The following ITPRIP variants were observed in gnomAD, a reference collection of about 807,000 sequenced individuals.
The protein encoded by ITPRIP is inositol 1,4,5-trisphosphate receptor-interacting protein.
Under a neutral mutation model 35.8 loss-of-function variants are expected in ITPRIP, and 32 were observed. The ratio of observed to expected loss-of-function variants is 0.89; its 90% CI spans 0.68 to 1.20. ITPRIP has a LOEUF of 1.20. Among genes scored for constraint, ITPRIP ranks in the 50% most tolerant of loss-of-function variants. The pLI is 0.00. For missense variants in ITPRIP, 653 were observed against 735.6 expected, an observed-to-expected ratio of 0.89 and a Z score of 1.30; for synonymous variants, 358 against 324.0, an observed-to-expected ratio of 1.11 and a Z score of -1.13.
At chr10:104,335,741 A>G (rs1169677572) in intron 1 of ITPRIP, among the ~76,000 whole-genome samples, 4 of 152,128 alleles carry the variant, frequency 2.6e-5, no homozygotes, top group Non-Finnish European at 1.5e-5. Context: ...TTCCCAATTA[A>G]ACTAGCTTTT....
chr10:104,327,361 G>A (rs151262676), intron 1 of ITPRIP, among the ~76,000 whole-genome samples: 63 of 152,166 alleles, frequency 4.1e-4, no homozygotes, highest in Non-Finnish European at 5.4e-4. Context: ...CTTTAAGAAT[G>A]TTCAAGGCCT....
intron 1 of ITPRIP, among the ~76,000 whole-genome samples, chr10:104,322,165 T>C (rs1475775041): frequency 1.3e-5 from 2 of 152,204 alleles, no homozygotes; most frequent in African/African-American, 4.8e-5. Flanking sequence ...CCCTCACCTG[T>C]TGGGGAGATG....
rs1176401809 is a variant in ITPRIP, at chr10:104,326,190, G to C, written c.-13-10126C>G. On this transcript the variant is annotated intron_variant, in intron 1 of 1. Coordinates refer to ENST00000337478, the MANE Select transcript of ITPRIP (RefSeq NM_001272013.2). This position sits in a 1 kb window ranked among gnomAD's most constrained non-coding sequence, Gnocchi z 4.8. Reference sequence around the variant, plus strand: ...AAGAAGTCACCAGAATGCCAACTCTGTTCTCAGGACTGGGTCATGGGGGTG... The same window carrying C: ...AAGAAGTCACCAGAATGCCAACTCTCTTCTCAGGACTGGGTCATGGGGGTG... The C allele has an allele frequency of 6.6e-6, 1 of 152,450 alleles. No individual in the cohort carries two copies. The highest frequency in any genetic ancestry group is 6.5e-5 in the Admixed American group (1 of 15,284). The allele number at this position is 152,450 out of a possible 1,614,324, so 9.4% of individuals were successfully genotyped here.
In ITPRIP at chr10:104,321,376, C is replaced by T. The variant is rs142454881; in HGVS notation, c.-13-5312G>A. On this transcript the variant is annotated intron_variant, in intron 1 of 1. Coordinates refer to ENST00000337478, the MANE Select transcript of ITPRIP (RefSeq NM_001272013.2). ...ACTTAGCCTGGCAACGCTGGAGTCA[C>T]GGGGCAACAGGGGCTGAGGGAAGAT... Among the ~76,000 whole-genome samples the T allele has an allele frequency of 1.8e-4, 28 of 152,286 alleles. No homozygotes were observed. The East Asian group carries it at 5.2e-3, about 28-fold the overall frequency.
At chr10:104,318,265 T>C (rs2013741383) in intron 1 of ITPRIP, among the ~76,000 whole-genome samples, 1 of 152,216 alleles carries the variant, frequency 6.6e-6, no homozygotes, top group Non-Finnish European at 1.5e-5. Flanking sequence ...CATAACTAAC[T>C]GCGAGGCTGG....
At chr10:104,327,277 G>C (rs2064848478) in intron 1 of ITPRIP, among the ~76,000 whole-genome samples, 1 of 152,032 alleles carries the variant, frequency 6.6e-6, no homozygotes, top group Non-Finnish European at 1.5e-5. Flanking sequence ...CAAACCCCCA[G>C]TTAGCTCCCC....
intron 1 of ITPRIP, among the ~76,000 whole-genome samples, chr10:104,324,186 A>C (rs903597890): frequency 6.6e-6 from 1 of 152,214 alleles, no homozygotes; most frequent in Non-Finnish European, 1.5e-5. Flanking sequence ...GTCACTGCTC[A>C]GCCTGATTGG....
In ITPRIP at chr10:104,315,009, A is replaced by T. The variant is rs1308724532; in HGVS notation, c.1043T>A (p.Leu348Gln). The T allele has an allele frequency of 6.2e-7, 1 of 1,614,124 alleles. No individual in the cohort carries two copies. The highest frequency in any genetic ancestry group is 2.2e-5 in the East Asian group (1 of 44,866). ...GTCATCACACTGGATCACAGGAATC[A>T]GGTTGAAGGGCATGAACTTCCCTGA... ...FRSGKFMPFN[L>Q]IPVIQCDDSD... The change falls in exon 2 of 2, where the codon CTG becomes CAG. Residue 348 changes from leucine (L) to glutamine (Q), a missense_variant. Leu to Gln is a moderately radical substitution (Grantham distance 113). Transcript: ENST00000337478. The surrounding 1 kb of genome is among the most constrained non-coding windows in gnomAD (Gnocchi z 5.7).
At chr10:104,324,809 G>C (rs901576757) in intron 1 of ITPRIP, among the ~76,000 whole-genome samples, 3 of 152,190 alleles carry the variant, frequency 2.0e-5, no homozygotes, top group Non-Finnish European at 4.4e-5. Context: ...CACACATTCT[G>C]TGCACCCAGA....
intron 1 of ITPRIP, among the ~76,000 whole-genome samples, chr10:104,322,780 G>A (rs114708712): frequency 0.015 from 2,262 of 152,306 alleles, 55 homozygotes; most frequent in African/African-American, 0.052. Context: ...TTTCCTTTAC[G>A]AAATGGAATA....
intron 1 of ITPRIP, among the ~76,000 whole-genome samples, chr10:104,324,926 T>C (rs1277749963): frequency 6.6e-6 from 1 of 152,224 alleles, no homozygotes; most frequent in African/African-American, 2.4e-5. Flanking sequence ...TTAAAAACCA[T>C]GTGAGCAACA....
At chr10:104,335,766 T>G (rs1440670692) in intron 1 of ITPRIP, among the ~76,000 whole-genome samples, 2 of 152,236 alleles carry the variant, frequency 1.3e-5, no homozygotes, top group Non-Finnish European at 2.9e-5. Flanking sequence ...CTTAAGTTGC[T>G]TCTTGGTCTA....
Position 104,330,246 on chromosome 10 carries a change from A to C in ITPRIP, c.-14+8000T>G, listed in dbSNP as rs182654486. 6.6e-5 allele frequency among the ~76,000 whole-genome samples: 10 copies of C among 152,384 alleles called. No homozygotes were observed. The East Asian group carries it at 1.7e-3, about 26-fold the overall frequency. On this transcript the variant is annotated intron_variant, in intron 1 of 1. Coordinates refer to ENST00000337478, the MANE Select transcript of ITPRIP (RefSeq NM_001272013.2). ...ACTGCCTTTACTCCCAGGAGCAGGA[A>C]TTTGAAATTCCTGGAGTGAAGTGGA...
chr10:104,319,165 G>T (rs555533297), intron 1 of ITPRIP, among the ~76,000 whole-genome samples: 42 of 152,252 alleles, frequency 2.8e-4, no homozygotes, highest in African/African-American at 7.5e-4. Context: ...TGGGTGGATC[G>T]CACAGCTTCT....
At position 104,311,036 on chromosome 10, in the gene ITPRIP, T is replaced by A. The variant is rs1420994038; in HGVS notation, c.*3372A>T. On this transcript the variant is annotated 3_prime_UTR_variant, in exon 2 of 2. Transcript: ENST00000337478. Reference sequence around the variant, plus strand: ...TGCCTCTCCTAGGGAACAGGCTTGGTCCTATTCATTTTCCCATCTTCCACA... The same window carrying A: ...TGCCTCTCCTAGGGAACAGGCTTGGACCTATTCATTTTCCCATCTTCCACA... 1 of 152,312 alleles carries A rather than the reference T, an allele frequency of 6.6e-6. No homozygotes were observed. The highest frequency in any genetic ancestry group is 6.5e-5 in the Admixed American group (1 of 15,276). The allele number at this position is 152,312 out of a possible 1,614,324, so 9.4% of individuals were successfully genotyped here.
Position 104,314,717 on chromosome 10 carries a change from C to G in ITPRIP, c.1335G>C (p.Gln445His). 2 of 1,613,764 alleles carry G rather than the reference C, an allele frequency of 1.2e-6. No individual in the cohort carries two copies. Among genetic ancestry groups the G allele is most frequent in the Non-Finnish European group, 1.7e-6 (2 of 1,179,860 alleles). ...GCTGCCCCGCCTTCCAGTCGGCGGC[C>G]TGCCGGAGGAGTAGGAGGTGCAGTA... ...TALLHLLLLRQAADWKAGQLD... is the reference protein window; with the variant it reads ...TALLHLLLLRHAADWKAGQLD... Residue 445 changes from glutamine to histidine, a missense_variant, in exon 2 of 2, where the codon CAG becomes CAC. By Grantham distance (24) the Gln-to-His change is conservative (BLOSUM62 0). Coordinates refer to ENST00000337478, the MANE Select transcript of ITPRIP (RefSeq NM_001272013.2).
rs776526650 is a variant in ITPRIP, at chr10:104,315,559, C to G, written c.493G>C (p.Glu165Gln). ...TCCAGCAAGTCATCCACGAAGCCTT[C>G]CAGGAACTCCCGGGTACGGGCTGCA... ...ADAARTREFLEGFVDDLLEAL... is the reference protein window; with the variant it reads ...ADAARTREFLQGFVDDLLEAL... The change falls in exon 2 of 2, where the codon GAA becomes CAA. Residue 165 changes from glutamate to glutamine, a missense_variant. Coordinates refer to ENST00000337478, the MANE Select transcript of ITPRIP (RefSeq NM_001272013.2). This position sits in a 1 kb window ranked among gnomAD's most constrained non-coding sequence, Gnocchi z 5.7. 1.2e-6 allele frequency: 2 copies of G among 1,614,038 alleles called. No individual in the cohort carries two copies. The highest frequency in any genetic ancestry group is 2.7e-5 in the African/African-American group (2 of 74,946).
intron 1 of ITPRIP, among the ~76,000 whole-genome samples, chr10:104,316,422 C>A (rs1160583085): frequency 6.6e-6 from 1 of 152,212 alleles, no homozygotes; most frequent in Admixed American, 6.5e-5. Context: ...AGACATTCTG[C>A]CGCCCAGCTA....
chr10:104,314,977 G>A lies in ITPRIP; in HGVS notation c.1075C>T (p.Leu359=), dbSNP rs1249619411. ...CTGGGAAGGTGGGAGACAAAGTACA[G>A]GTCCGAGTCATCACACTGGATCACA... The part of the protein sequence containing the change: ...IPVIQCDDSD[L]YFVSHLPREP... Residue 359 remains leucine, a synonymous_variant, in exon 2 of 2, where the codon CTG becomes TTG. Transcript: ENST00000337478. 1 of 1,613,972 alleles carries A rather than the reference G, an allele frequency of 6.2e-7. No individual in the cohort carries two copies. Among genetic ancestry groups the A allele is most frequent in the South Asian group, 1.1e-5 (1 of 91,084 alleles).
Sources: allele counts gnomAD v4.1 joint callset (sites outside exome capture counted in the v4.1 genomes callset), GRCh38; gene constraint gnomAD v4.1.1; non-coding constraint Gnocchi (gnomAD v3.1); transcripts MANE v1.5; gene names NCBI Gene and HGNC (gene_info 2026-07-23, HGNC 2026-07-21).